Variants in AOPEP observed in about 807,000 individuals in gnomAD.
AOPEP encodes aminopeptidase O.
Under a neutral mutation model 98.1 loss-of-function variants are expected in AOPEP, and 77 were observed. The ratio of observed to expected loss-of-function variants is 0.78; its 90% CI spans 0.65 to 0.95. The LOEUF (loss-of-function observed/expected upper bound fraction) is 0.95, where lower values mean the gene tolerates loss of function less well. Ranked by LOEUF, AOPEP falls within the 40% of genes least tolerant of loss-of-function variation. AOPEP has a pLI of 0.00. For missense variants in AOPEP, 1,024 were observed against 1,024.7 expected (o/e 1.00, Z 0.01); for synonymous variants, 346 against 365.3 (o/e 0.95, Z 0.60).
chr9:94,760,706 T>C, intron 2 of AOPEP, 126 bp downstream of exon 2: 1 of 742,820 alleles, frequency 1.3e-6, no homozygotes, highest in South Asian at 2.5e-5. Flanking sequence ...CCAAGTAGCC[T>C]CAAATCCTTA....
At position 94,760,547 on chromosome 9, in the gene AOPEP, G is replaced by C; in HGVS notation, c.764G>C (p.Arg255Pro). Residue 255 changes from arginine (R) to proline (P), a missense_variant, in exon 2 of 17, where the codon CGA becomes CCA. Around this residue, in one of 3 missense-constraint regions of AOPEP, gnomAD observed 440 missense variants for 433.8 expected, o/e 1.01. Transcript: ENST00000375315. ...RIWYKTKPEGRSVTWTSDQSG... is the reference protein window; with the variant it reads ...RIWYKTKPEGPSVTWTSDQSG... ...TGGTACAAAACTAAACCTGAAGGGCGATCGGTTACATGGACCTCAGACCAG... is the reference window on the plus strand; with the variant it reads ...TGGTACAAAACTAAACCTGAAGGGCCATCGGTTACATGGACCTCAGACCAG... 6.4e-7 allele frequency: 1 copy of C among 1,560,172 alleles called. No homozygotes were observed. Among genetic ancestry groups the C allele is most frequent in the Non-Finnish European group, 8.6e-7 (1 of 1,156,838 alleles).
chr9:94,734,517 C>T (rs1463959606), intron 1 of AOPEP, among the ~76,000 whole-genome samples: 1 of 151,966 alleles, frequency 6.6e-6, no homozygotes, highest in Non-Finnish European at 1.5e-5. Context: ...GAGTCCTACA[C>T]AGGAAGCCCT....
At chr9:95,086,127 C>T (rs1238209666) in intron 16 of AOPEP, 1 of 1,362,612 alleles carries the variant, frequency 7.3e-7, no homozygotes, top group Non-Finnish European at 9.8e-7. Flanking sequence ...TCTGTAAGTG[C>T]CCGAGGCTCA....
intron 7 of AOPEP, among the ~76,000 whole-genome samples, chr9:94,948,938 C>T (rs554876211): frequency 2.8e-4 from 42 of 152,348 alleles, no homozygotes; most frequent in African/African-American, 9.6e-4. Context: ...ATTTTACAGC[C>T]TCCCAGCTCT....
At chr9:94,880,372 CTT>C (rs1331470545) in intron 5 of AOPEP, among the ~76,000 whole-genome samples, 4 of 127,100 alleles carry the variant, frequency 3.1e-5, no homozygotes, top group Admixed American at 1.6e-4. Context: ...TTTTTCTTTT[CTT>C]TTTTTTTTTT....
intron 13 of AOPEP, among the ~76,000 whole-genome samples, chr9:95,009,747 A>G (rs901398294): frequency 9.2e-5 from 14 of 152,160 alleles, no homozygotes; most frequent in African/African-American, 3.4e-4. Flanking sequence ...TTCTGCCAGA[A>G]CCCAAAAAAC....
At chr9:95,052,129 TCAC>T (rs564030105) in intron 13 of AOPEP, among the ~76,000 whole-genome samples, 2 of 152,372 alleles carry the variant, frequency 1.3e-5, no homozygotes, top group South Asian at 4.1e-4. Context: ...TTCTTTTAAA[TCAC>T]CAGATTGTTA....
chr9:94,896,906 G>T (rs868309132), intron 5 of AOPEP, among the ~76,000 whole-genome samples: 11 of 96,868 alleles, frequency 1.1e-4, no homozygotes, highest in African/African-American at 3.6e-4. Flanking sequence ...CTCAACTTTT[G>T]TGGGTTTTTT....
chr9:94,979,595 C>A (rs1205401135), intron 11 of AOPEP, among the ~76,000 whole-genome samples, 168 bp downstream of exon 11: 2 of 152,232 alleles, frequency 1.3e-5, no homozygotes, highest in African/African-American at 4.8e-5. Context: ...ATTTCCCCCC[C>A]TCATTGTGGG....
chr9:94,886,597 A>G (rs1387980880), intron 5 of AOPEP, among the ~76,000 whole-genome samples: 1 of 152,174 alleles, frequency 6.6e-6, no homozygotes, highest in African/African-American at 2.4e-5. Flanking sequence ...GCATTAAGAA[A>G]AATAAAAAGA....
At chr9:94,886,030 G>A (rs1273685729) in intron 5 of AOPEP, among the ~76,000 whole-genome samples, 1 of 152,028 alleles carries the variant, frequency 6.6e-6, no homozygotes, top group Non-Finnish European at 1.5e-5. Flanking sequence ...TCAGTGGCCA[G>A]GATTAGTATC....
intron 13 of AOPEP, among the ~76,000 whole-genome samples, chr9:95,022,582 G>A (rs1023127895): frequency 8.6e-5 from 13 of 151,746 alleles, no homozygotes; most frequent in South Asian, 2.1e-4. Context: ...CTCATGATCC[G>A]CCCGCCTTGG....
At chr9:95,126,540 A>G in the AOPEP span, 1 of 1,613,796 alleles carries the variant, frequency 6.2e-7, no homozygotes, top group Non-Finnish European at 8.5e-7. Context: ...TGAACATCTC[A>G]TCAACAACCC....
intron 3 of AOPEP, among the ~76,000 whole-genome samples, chr9:94,781,129 G>A (rs1347755662): frequency 1.3e-5 from 2 of 151,824 alleles, no homozygotes; most frequent in African/African-American, 4.8e-5. Context: ...CAAGGCCATA[G>A]ATTTAGATTA....
In AOPEP at chr9:94,760,217, T is replaced by G. The variant is rs1158976577; in HGVS notation, c.434T>G (p.Val145Gly). 9 of 1,614,144 alleles carry G rather than the reference T, an allele frequency of 5.6e-6. No homozygotes were observed. The highest frequency in any genetic ancestry group is 7.6e-6 in the Non-Finnish European group (9 of 1,180,014). ...GNHGSEDFLL[V>G]LDCCDLSVLK... ...CATGGGAGTGAGGATTTTTTGCTAG[T>G]GTTGGACTGCTGTGATTTATCTGTG... Residue 145 changes from valine (V) to glycine (G), a missense_variant, in exon 2 of 17, where the codon GTG (valine) becomes GGG (glycine). By Grantham distance (109) the Val-to-Gly change is moderately radical. Around this residue, in one of 3 missense-constraint regions of AOPEP, gnomAD observed 440 missense variants for 433.8 expected, o/e 1.01. Transcript: ENST00000375315.
At position 95,005,206 on chromosome 9, in the gene AOPEP, C is replaced by T; in HGVS notation, c.2026C>T (p.Gln676Ter). ...RAGAECGLAR[Q>*]VRAEVTKWIG... is the part of the protein sequence containing the mutation. ...CGGGGCGGAGTGCGGGCTTGCGCGG[C>T]AAGTGCGCGCCGAGGTGAGTGCGGG... is the stretch of plus-strand genomic sequence containing the variant. Residue 676 changes from glutamine (Q) to a stop codon, truncating the protein, a stop_gained, in exon 12 of 17, where the codon CAA becomes TAA. Coordinates refer to ENST00000375315, the MANE Select transcript of AOPEP (RefSeq NM_001193329.3). LOFTEE classifies it high-confidence loss of function. 2 of 1,128,246 alleles carry T rather than the reference C, an allele frequency of 1.8e-6. No homozygotes were observed. The highest frequency in any genetic ancestry group is 2.2e-6 in the Non-Finnish European group (2 of 920,870). 69.9% of individuals were successfully genotyped at this position (1,128,246 alleles called of 1,614,324 possible). A position where few individuals can be genotyped will look rare whatever the true frequency, so the allele number is the denominator to read the frequency against.
intron 6 of AOPEP, 118 bp from the exon 7 acceptor site, chr9:94,928,307 A>T: frequency 2.8e-6 from 2 of 705,360 alleles, no homozygotes; most frequent in South Asian, 1.9e-5. Context: ...GATGGAAGCA[A>T]GGTGAGAGCA....
At chr9:95,131,598 A>C in the AOPEP span, among the ~76,000 whole-genome samples, 1 of 152,200 alleles carries the variant, frequency 6.6e-6, no homozygotes, top group African/African-American at 2.4e-5. Flanking sequence ...GCTTTTAGCC[A>C]TACACATCAG....
chr9:94,729,979 T>C (rs751851569), intron 1 of AOPEP, among the ~76,000 whole-genome samples: 1 of 152,136 alleles, frequency 6.6e-6, no homozygotes, highest in African/African-American at 2.4e-5. Flanking sequence ...CAGGTGGAAC[T>C]CTTCCACATA....
Sources: allele counts gnomAD v4.1 joint callset (sites outside exome capture counted in the v4.1 genomes callset), GRCh38; gene constraint gnomAD v4.1.1; regional missense constraint gnomAD v4.1.1; transcripts MANE v1.5; gene names NCBI Gene and HGNC (gene_info 2026-07-23, HGNC 2026-07-21).